DCUN1D3: variants seen among roughly 807,000 people sequenced by gnomAD.
DCUN1D3 encodes defective in cullin neddylation 1 domain containing 3.
A neutral mutation model predicts 24.8 loss-of-function variants in DCUN1D3; 6 were observed. That is an observed-to-expected ratio of 0.24 (90% CI 0.13 to 0.48). The LOEUF is 0.48. Among genes scored for constraint, DCUN1D3 ranks in the 20% least tolerant of loss-of-function variants. DCUN1D3 has a pLI of 0.99. For synonymous variants in DCUN1D3, 120 were observed against 144.9 expected (o/e 0.83, Z 1.24); for missense variants, 258 against 379.4 (o/e 0.68, Z 2.66).
At chr16:20,880,604 C>CAAAAAAAAAAAAAAAAA (rs34275241) in intron 1 of DCUN1D3, among the ~76,000 whole-genome samples, 2 of 51,926 alleles carry the variant, frequency 3.9e-5, no homozygotes, top group African/African-American at 9.2e-5. Flanking sequence ...GACCCTGTCT[C>CAAAAAAAAAAAAAAAAA]AAAAAAAAAA....
chr16:20,898,521 T>C (rs763682662), intron 1 of DCUN1D3, among the ~76,000 whole-genome samples: 1 of 152,238 alleles, frequency 6.6e-6, no homozygotes, highest in Non-Finnish European at 1.5e-5. Flanking sequence ...AATGGCAAAC[T>C]AGGTTCTAAA....
Position 20,862,820 on chromosome 16 carries a change from C to T in DCUN1D3, c.-105-177G>A, listed in dbSNP as rs538387813. 5.9e-5 allele frequency among the ~76,000 whole-genome samples: 9 copies of T among 152,254 alleles called. No individual in the cohort carries two copies. In the East Asian group the frequency reaches 7.7e-4, roughly 13 times the overall value. Reference sequence around the variant, plus strand: ...CAGCTCCGTAACTTCACCTTGGCGACGCAGAGGCTGGGGCACATATGGAGA... The same window carrying T: ...CAGCTCCGTAACTTCACCTTGGCGATGCAGAGGCTGGGGCACATATGGAGA... On this transcript the variant is annotated intron_variant, in intron 1 of 2. Coordinates refer to ENST00000324344, the MANE Select transcript of DCUN1D3 (RefSeq NM_173475.4).
intron 1 of DCUN1D3, among the ~76,000 whole-genome samples, chr16:20,892,990 G>A (rs1056081826): frequency 1.3e-5 from 2 of 152,230 alleles, no homozygotes; most frequent in Non-Finnish European, 1.5e-5. Flanking sequence ...AAATGTTTGA[G>A]TACAGAACCC....
intron 1 of DCUN1D3, among the ~76,000 whole-genome samples, chr16:20,883,713 A>G (rs1046458837): frequency 2.0e-5 from 3 of 152,196 alleles, no homozygotes; most frequent in African/African-American, 7.2e-5. Flanking sequence ...AAGGAAAGAA[A>G]AACAGGTTTC....
At chr16:20,872,611 G>A (rs1243710668) in intron 1 of DCUN1D3, among the ~76,000 whole-genome samples, 1 of 152,054 alleles carries the variant, frequency 6.6e-6, no homozygotes, top group East Asian at 1.9e-4. Flanking sequence ...AAGAATTCCT[G>A]CTTTCAACCA....
intron 1 of DCUN1D3, among the ~76,000 whole-genome samples, chr16:20,896,741 T>C (rs1177394043): frequency 6.6e-6 from 1 of 152,256 alleles, no homozygotes; most frequent in Non-Finnish European, 1.5e-5. Flanking sequence ...ACCTTTAACC[T>C]GGGCCAAAGC....
intron 1 of DCUN1D3, among the ~76,000 whole-genome samples, chr16:20,873,516 T>C (rs989234284): frequency 2.0e-5 from 3 of 152,220 alleles, no homozygotes; most frequent in Admixed American, 6.5e-5. Flanking sequence ...GTGTGAAGAC[T>C]AACATGGGCT....
At chr16:20,881,726 C>T (rs2081844690) in intron 1 of DCUN1D3, among the ~76,000 whole-genome samples, 1 of 152,146 alleles carries the variant, frequency 6.6e-6, no homozygotes, top group Non-Finnish European at 1.5e-5. Context: ...AGCCCTTAGC[C>T]TGTGACAGAG....
At chr16:20,890,515 G>C (rs2081887625) in intron 1 of DCUN1D3, among the ~76,000 whole-genome samples, 1 of 152,084 alleles carries the variant, frequency 6.6e-6, no homozygotes, top group South Asian at 2.1e-4. Context: ...TCTGGTCCTA[G>C]CTACTTGGGA....
intron 1 of DCUN1D3, among the ~76,000 whole-genome samples, chr16:20,886,062 T>C (rs999491376): frequency 1.0e-5 from 1 of 99,228 alleles, no homozygotes; most frequent in Non-Finnish European, 2.4e-5. Flanking sequence ...CATTTTTTCA[T>C]TGAAAAAAAA....
rs1473940668 is a variant in DCUN1D3 at position 20,856,883 on chromosome 16, T to A, written c.*3003A>T. ...ACACTTGTTTGTTGTTGCCCTCAGA[T>A]GTTGCCGATTTCCAAAGTGGCGTCC... On this transcript the variant is annotated 3_prime_UTR_variant, in exon 3 of 3. Transcript: ENST00000324344. The A allele has an allele frequency of 6.6e-6, 1 of 152,220 alleles. No individual in the cohort carries two copies. Among genetic ancestry groups the A allele is most frequent in the Non-Finnish European group, 1.5e-5 (1 of 68,042 alleles). 9.4% of individuals were successfully genotyped at this position (152,220 alleles called of 1,614,324 possible).
chr16:20,860,050 G>C lies in DCUN1D3; in HGVS notation c.751C>G (p.Gln251Glu). The C allele has an allele frequency of 6.2e-7, 1 of 1,614,244 alleles. No homozygotes were observed. The highest frequency in any genetic ancestry group is 1.1e-5 in the South Asian group (1 of 91,092). Residue 251 changes from glutamine (Q) to glutamate (E), a missense_variant, in exon 3 of 3, where the codon CAG (glutamine) becomes GAG (glutamate). Physicochemically the swap from Gln to Glu is conservative, Grantham distance 29. Transcript: ENST00000324344. This position sits in a 1 kb window ranked among gnomAD's most constrained non-coding sequence, Gnocchi z 4.3. ...DTWNMFLNFT[Q>E]VIGPDLSNYS... The stretch of plus-strand genomic sequence containing the variant: ...TTGCTGAGGTCAGGGCCAATCACCT[G>C]AGTGAAGTTAAGGAACATGTTCCAA...
At chr16:20,883,845 T>C (rs1596638012) in intron 1 of DCUN1D3, among the ~76,000 whole-genome samples, 1 of 152,228 alleles carries the variant, frequency 6.6e-6, no homozygotes, top group Non-Finnish European at 1.5e-5. Context: ...AATGCTCTGA[T>C]AAATTAAGCA....
intron 1 of DCUN1D3, among the ~76,000 whole-genome samples, chr16:20,863,658 A>G (rs949282306): frequency 2.6e-5 from 4 of 152,166 alleles, no homozygotes; most frequent in Non-Finnish European, 5.9e-5. Context: ...AGGTGGGAGG[A>G]TCAACTGAGC....
chr16:20,873,408 C>G (rs576599740), intron 1 of DCUN1D3, among the ~76,000 whole-genome samples: 16 of 152,286 alleles, frequency 1.1e-4, no homozygotes, highest in African/African-American at 3.9e-4. Flanking sequence ...GTAGAAGGGT[C>G]TGGCCCATGG....
intron 1 of DCUN1D3, among the ~76,000 whole-genome samples, chr16:20,885,382 T>G (rs1567428930): frequency 6.6e-6 from 1 of 152,086 alleles, no homozygotes; most frequent in Non-Finnish European, 1.5e-5. Flanking sequence ...TCTGAAACAC[T>G]AAATAACTTA....
At chr16:20,884,380 C>G (rs1335418279) in intron 1 of DCUN1D3, among the ~76,000 whole-genome samples, 1 of 152,140 alleles carries the variant, frequency 6.6e-6, no homozygotes, top group African/African-American at 2.4e-5. Context: ...GGTCTGCAGA[C>G]CAAGGGTGAA....
rs978406841 is a variant in DCUN1D3, at chr16:20,856,097, C to CT, written c.*3788dup. The CT allele has an allele frequency of 2.0e-5, 3 of 152,190 alleles. No individual in the cohort carries two copies. The highest frequency in any genetic ancestry group is 1.3e-4 in the Admixed American group (2 of 15,282). 9.4% of individuals were successfully genotyped at this position (152,190 alleles called of 1,614,324 possible). On this transcript the variant is annotated 3_prime_UTR_variant, in exon 3 of 3. Transcript: ENST00000324344. The stretch of plus-strand genomic sequence containing the variant: ...TATAATTGCATAACTGAGTCTACAC[C>CT]TTTTGGGCTTTGCTGCACTGAAGAC...
chr16:20,896,902 A>C (rs898762478), intron 1 of DCUN1D3, among the ~76,000 whole-genome samples: 4 of 152,240 alleles, frequency 2.6e-5, no homozygotes, highest in Non-Finnish European at 5.9e-5. Flanking sequence ...AATCAGAATT[A>C]GTAATTCAGT....
Sources: gnomAD v4.1 joint callset for allele counts (sites outside exome capture counted in the v4.1 genomes callset) on GRCh38, gnomAD v4.1.1 for gene constraint, Gnocchi (gnomAD v3.1) non-coding constraint, MANE v1.5 for transcripts, NCBI Gene and HGNC (gene_info 2026-07-23, HGNC 2026-07-21) for gene names.